The following FER1L5 variants were observed in gnomAD, a reference collection of about 807,000 sequenced individuals.
The protein encoded by FER1L5 is fer-1 like family member 5, also known as fer-1-like protein 5.
A neutral mutation model predicts 279.9 loss-of-function variants in FER1L5; 187 were observed. That is an observed-to-expected ratio of 0.67 (90% CI 0.59 to 0.75). The LOEUF is 0.75. Among genes scored for constraint, FER1L5 ranks in the 30% least tolerant of loss-of-function variants. The probability of loss-of-function intolerance (pLI) is 0.00; values close to 1 mark genes in which losing one functional copy is unlikely to be tolerated. For synonymous variants in FER1L5, 921 were observed against 989.7 expected, an observed-to-expected ratio of 0.93 and a Z score of 1.30; for missense variants, 2,091 against 2,594.4, an observed-to-expected ratio of 0.81 and a Z score of 4.21.
At position 96,691,171 on chromosome 2, in the gene FER1L5, C is replaced by T. The variant is rs1367411437; in HGVS notation, c.2744-19C>T. ...TGCGGGCACCTGAGGACTCAGAGGC[C>T]ATGGTCCACCCACCGCAGGCTGGGA... On this transcript the variant is annotated intron_variant, in intron 27 of 52. Transcript: ENST00000624922. The surrounding 1 kb of genome is among the most constrained non-coding windows in gnomAD (Gnocchi z 6.0). The T allele has an allele frequency of 7.2e-6, 11 of 1,538,380 alleles. No homozygotes were observed. The highest frequency in any genetic ancestry group is 1.2e-5 in the South Asian group (1 of 82,852).
In FER1L5 at chr2:96,670,109, C is replaced by T. The variant is rs1558872788; in HGVS notation, c.1363-10C>T. 5.2e-6 allele frequency: 8 copies of T among 1,551,558 alleles called. No individual in the cohort carries two copies. Among genetic ancestry groups the T allele is most frequent in the Admixed American group, 2.0e-5 (1 of 50,998 alleles). On this transcript the variant is annotated splice_polypyrimidine_tract_variant and intron_variant, in intron 17 of 52. Coordinates refer to ENST00000624922, the MANE Select transcript of FER1L5 (RefSeq NM_001293083.2). ...ACCCCTTTTCTCCGTTTTCCTCTCG[C>T]TTGCCCTAGTGTATTCCCGACTCTG...
At chr2:96,692,076 G>A (rs1456886173) in intron 30 of FER1L5, 28 bp from the exon 31 acceptor site, 18 of 1,551,282 alleles carry the variant, frequency 1.2e-5, no homozygotes, top group Non-Finnish European at 1.5e-5. Context: ...CCTGGGGCAG[G>A]TGACAGGCAT....
At chr2:96,670,074 T>C (rs1558872638) in intron 17 of FER1L5, 45 bp from the exon 18 acceptor site, 3 of 1,549,502 alleles carry the variant, frequency 1.9e-6, no homozygotes, top group African/African-American at 2.7e-5. Flanking sequence ...TGGCCTGTTC[T>C]TTTTCTCTCA....
chr2:96,646,555 G>A, intron 2 of FER1L5, 102 bp downstream of exon 2: 3 of 1,192,276 alleles, frequency 2.5e-6, no homozygotes, highest in Admixed American at 2.2e-5. Context: ...GAGAGGACGT[G>A]CAACCTCACA....
intron 22 of FER1L5, 31 bp from the exon 23 acceptor site, chr2:96,686,164 C>G (rs553883244): frequency 6.5e-7 from 1 of 1,547,964 alleles, no homozygotes; most frequent in Non-Finnish European, 8.7e-7. Flanking sequence ...GAGCCAGCCG[C>G]GCAGGGCCTG....
chr2:96,661,567 AT>A lies in FER1L5; in HGVS notation c.895-100del, dbSNP rs2075955136. 6.6e-6 allele frequency: 10 copies of A among 1,515,692 alleles called. No individual in the cohort carries two copies. The South Asian group carries it at 9.7e-5, about 15-fold the overall frequency. 93.9% of individuals were successfully genotyped at this position (1,515,692 alleles called of 1,614,324 possible). A position where few individuals can be genotyped will look rare whatever the true frequency, so the allele number is the denominator to read the frequency against. ...CGCTGCGTCACTGCAGGGTTGTCCC[AT>A]CCCCCCTGCACCAAGTGGGAAGTTG... On this transcript the variant is annotated intron_variant, in intron 11 of 52. Transcript: ENST00000624922.
chr2:96,689,791 G>T lies in FER1L5; in HGVS notation c.2640+33G>T. 6.7e-7 allele frequency: 1 copy of T among 1,499,086 alleles called. No individual in the cohort carries two copies. The highest frequency in any genetic ancestry group is 9.0e-7 in the Non-Finnish European group (1 of 1,116,364). The allele number at this position is 1,499,086 out of a possible 1,614,324, so 92.9% of individuals were successfully genotyped here. A position where few individuals can be genotyped will look rare whatever the true frequency, so the allele number is the denominator to read the frequency against. On this transcript the variant is annotated intron_variant, in intron 26 of 52. Coordinates refer to ENST00000624922, the MANE Select transcript of FER1L5 (RefSeq NM_001293083.2). This position sits in a 1 kb window ranked among gnomAD's most constrained non-coding sequence, Gnocchi z 4.6. ...GGGCCGAAGCTGCCTCGGGTTAGGG[G>T]GCAAGCAAGGCCACCAGGCGGGGCG...
intron 11 of FER1L5, 28 bp downstream of exon 11, chr2:96,661,468 T>C: frequency 2.6e-6 from 4 of 1,547,634 alleles, no homozygotes; most frequent in Non-Finnish European, 3.5e-6. Context: ...CCGGAAACTT[T>C]CCTATCCTGG....
intron 14 of FER1L5, among the ~76,000 whole-genome samples, chr2:96,666,090 CCT>C (rs1161029938): frequency 6.6e-6 from 1 of 151,498 alleles, no homozygotes; most frequent in Non-Finnish European, 1.5e-5. Context: ...CAGGTGTGAA[CCT>C]CTCTCTGAAG....
At chr2:96,676,935 G>A (rs148233706) in intron 19 of FER1L5, among the ~76,000 whole-genome samples, 22 of 152,192 alleles carry the variant, frequency 1.4e-4, no homozygotes, top group African/African-American at 5.3e-4. Flanking sequence ...TTGGGTTCCC[G>A]GGTTCAAGTG....
chr2:96,687,485 G>A (rs1246901921), intron 23 of FER1L5, among the ~76,000 whole-genome samples: 2 of 152,230 alleles, frequency 1.3e-5, no homozygotes, highest in Admixed American at 6.5e-5. Context: ...GAGGATCCAG[G>A]ACTATGATGC....
chr2:96,669,354 A>C (rs2106565273), intron 17 of FER1L5, among the ~76,000 whole-genome samples: 1 of 152,242 alleles, frequency 6.6e-6, no homozygotes, highest in South Asian at 2.1e-4. Context: ...TTCCCTGAGG[A>C]AGGGGCTTTG....
In FER1L5 at chr2:96,646,505, G is replaced by A; in HGVS notation, c.138+52G>A. 2.6e-6 allele frequency: 4 copies of A among 1,531,418 alleles called. No homozygotes were observed. In the East Asian group the frequency reaches 7.4e-5, roughly 28 times the overall value. The allele number at this position is 1,531,418 out of a possible 1,614,324, so 94.9% of individuals were successfully genotyped here. Reference sequence around the variant, plus strand: ...GGAAATAACAACCCCAACAGCAAGGGGGCAAGGGTGGGGTCCAGGAAGGTG... The same window carrying A: ...GGAAATAACAACCCCAACAGCAAGGAGGCAAGGGTGGGGTCCAGGAAGGTG... On this transcript the variant is annotated intron_variant, in intron 2 of 52. Transcript: ENST00000624922.
At chr2:96,697,428 G>T in intron 37 of FER1L5, 98 bp from the exon 38 acceptor site, 1 of 1,348,164 alleles carries the variant, frequency 7.4e-7, no homozygotes, top group South Asian at 1.3e-5. Flanking sequence ...AAGGGCAAGG[G>T]CACCAGGGAA....
chr2:96,648,102 G>C (rs1240704852), intron 4 of FER1L5, among the ~76,000 whole-genome samples: 1 of 152,196 alleles, frequency 6.6e-6, no homozygotes, highest in African/African-American at 2.4e-5. Context: ...CACTGTGCCA[G>C]GCCCTGTGGT....
intron 45 of FER1L5, among the ~76,000 whole-genome samples, chr2:96,701,579 G>A (rs965703745): frequency 6.6e-6 from 1 of 151,814 alleles, no homozygotes; most frequent in African/African-American, 2.4e-5. Flanking sequence ...CCTCATACTC[G>A]AGGCTATCAA....
intron 19 of FER1L5, among the ~76,000 whole-genome samples, chr2:96,674,573 G>A (rs2076444441): frequency 6.6e-6 from 1 of 152,042 alleles, no homozygotes; most frequent in Non-Finnish European, 1.5e-5. Flanking sequence ...TATCATATAT[G>A]GAACATATAA....
In FER1L5 at chr2:96,670,160, C is replaced by G. The variant is rs1229167705; in HGVS notation, c.1404C>G (p.Gly468=). Reference sequence around the variant, plus strand: ...TTAGGGATGGTTTAGCTTATCGAGGCCGAGTCTTCCTGGAGTTAATCACCC... The same window carrying G: ...TTAGGGATGGTTTAGCTTATCGAGGGCGAGTCTTCCTGGAGTTAATCACCC... ...DSVRDGLAYR[G]RVFLELITQI... The change falls in exon 18 of 53, where the codon GGC becomes GGG. Residue 468 remains glycine, a synonymous_variant. Transcript: ENST00000624922. The G allele has an allele frequency of 6.4e-7, 1 of 1,551,638 alleles. No individual in the cohort carries two copies. The highest frequency in any genetic ancestry group is 2.0e-5 in the Admixed American group (1 of 50,988).
Position 96,646,383 on chromosome 2 carries a change from C to T in FER1L5, c.86-18C>T. On this transcript the variant is annotated intron_variant, in intron 1 of 52. Transcript: ENST00000624922. ...AATATTTCCTACCATCAATGCCAGC[C>T]TCTTGGTTTCTTTGCAGATATCAAG... is the stretch of plus-strand genomic sequence containing the variant. 1 of 1,551,404 alleles carries T rather than the reference C, an allele frequency of 6.4e-7. No individual in the cohort carries two copies. The highest frequency in any genetic ancestry group is 8.7e-7 in the Non-Finnish European group (1 of 1,146,766).
Sources: gnomAD v4.1 joint callset for allele counts (sites outside exome capture counted in the v4.1 genomes callset) on GRCh38, gnomAD v4.1.1 for gene constraint, Gnocchi (gnomAD v3.1) non-coding constraint, MANE v1.5 for transcripts, NCBI Gene and HGNC (gene_info 2026-07-23, HGNC 2026-07-21) for gene names.